The following ATP9A variants were observed in gnomAD, a reference collection of about 807,000 sequenced individuals.
ATP9A encodes the protein ATPase phospholipid transporting 9A.
ATP9A carries 52 observed loss-of-function variants against 144.1 expected under a neutral mutation model. The observed-to-expected ratio is 0.36, with a 90% CI of 0.29 to 0.45. The LOEUF (loss-of-function observed/expected upper bound fraction) is 0.45, where lower values mean the gene tolerates loss of function less well. Ranked by LOEUF, ATP9A falls within the 20% of genes least tolerant of loss-of-function variation. The probability of loss-of-function intolerance (pLI) is 1.00; values close to 1 mark genes in which losing one functional copy is unlikely to be tolerated. For synonymous variants in ATP9A, 582 were observed against 557.4 expected (o/e 1.04, Z -0.62); for missense variants, 947 against 1,392.7 (o/e 0.68, Z 5.09).
intron 24 of ATP9A, among the ~76,000 whole-genome samples, chr20:51,608,837 G>A (rs2077173932): frequency 6.6e-6 from 1 of 152,024 alleles, no homozygotes; most frequent in South Asian, 2.1e-4. Context: ...CGGTCAGCGA[G>A]TCAATAAACA....
At chr20:51,718,034 G>A (rs1467302142) in intron 3 of ATP9A, among the ~76,000 whole-genome samples, 3 of 152,062 alleles carry the variant, frequency 2.0e-5, no homozygotes, top group African/African-American at 7.2e-5. Context: ...ACCAATGATA[G>A]TGTAAATGAG....
chr20:51,736,424 T>G (rs951229371), intron 1 of ATP9A, among the ~76,000 whole-genome samples: 2 of 151,894 alleles, frequency 1.3e-5, no homozygotes, highest in African/African-American at 2.4e-5. Flanking sequence ...GAGCAAGAGC[T>G]GAAGCAGATA....
At chr20:51,714,229 C>G (rs1010205931) in intron 3 of ATP9A, among the ~76,000 whole-genome samples, 43 of 151,996 alleles carry the variant, frequency 2.8e-4, no homozygotes, top group Non-Finnish European at 8.8e-5. Context: ...GTCACCCAGG[C>G]AGGAGTGCAG....
intron 3 of ATP9A, among the ~76,000 whole-genome samples, chr20:51,714,172 T>C (rs919813127): frequency 1.3e-5 from 2 of 151,952 alleles, no homozygotes; most frequent in African/African-American, 4.8e-5. Flanking sequence ...CCCAAAGTGC[T>C]GGGATTACAG....
rs372331725 is a variant in ATP9A at position 51,721,637 on chromosome 20, A to G, written c.327+4182T>C. Among the ~76,000 whole-genome samples, 4 of 151,824 alleles carry G rather than the reference A, an allele frequency of 2.6e-5. No individual in the cohort carries two copies. In the East Asian group the frequency reaches 5.8e-4, roughly 22 times the overall value. Reference sequence around the variant, plus strand: ...ACACAGGTGAAACCCCCTCTCTACTAAAAATACAAAAAAATTAGCCAGGCG... The same window carrying G: ...ACACAGGTGAAACCCCCTCTCTACTGAAAATACAAAAAAATTAGCCAGGCG... On this transcript the variant is annotated intron_variant, in intron 3 of 27. Coordinates refer to ENST00000338821, the MANE Select transcript of ATP9A (RefSeq NM_006045.3).
intron 3 of ATP9A, among the ~76,000 whole-genome samples, chr20:51,717,677 C>T (rs1444135563): frequency 2.0e-5 from 3 of 152,024 alleles, no homozygotes; most frequent in East Asian, 1.9e-4. Context: ...TCATAATTGC[C>T]GAGTGTGGTG....
At chr20:51,632,895 G>C (rs1376468327) in intron 15 of ATP9A, among the ~76,000 whole-genome samples, 1 of 152,140 alleles carries the variant, frequency 6.6e-6, no homozygotes, top group Admixed American at 6.6e-5. Context: ...GGCCGAGGCT[G>C]GTGGATCACC....
chr20:51,626,984 G>T (rs952045168), intron 17 of ATP9A, among the ~76,000 whole-genome samples: 1 of 151,038 alleles, frequency 6.6e-6, no homozygotes, highest in African/African-American at 2.4e-5. Context: ...TTGAACCTGG[G>T]AGGCGGAGGT....
chr20:51,672,088 C>T (rs2077458587), intron 11 of ATP9A, among the ~76,000 whole-genome samples: 1 of 152,158 alleles, frequency 6.6e-6, no homozygotes, highest in South Asian at 2.1e-4. Flanking sequence ...ACGTGAGCCA[C>T]CACGCCTGGC....
At chr20:51,734,734 T>G (rs2077756389) in intron 1 of ATP9A, 1 of 201,232 alleles carries the variant, frequency 5.0e-6, no homozygotes, top group Non-Finnish European at 1.1e-5. Flanking sequence ...CTGAGGAACA[T>G]GCACTTTGCC....
intron 4 of ATP9A, among the ~76,000 whole-genome samples, chr20:51,706,096 G>T (rs1327810224): frequency 6.6e-6 from 1 of 152,200 alleles, no homozygotes; most frequent in African/African-American, 2.4e-5. Flanking sequence ...CAATGAGGAG[G>T]CTAGATTGAT....
intron 27 of ATP9A, among the ~76,000 whole-genome samples, chr20:51,604,098 G>C (rs1336526110): frequency 3.3e-5 from 5 of 152,046 alleles, no homozygotes; most frequent in African/African-American, 1.2e-4. Flanking sequence ...TTTTTTATTT[G>C]GGGTGTGCCT....
At position 51,606,759 on chromosome 20, in the gene ATP9A, G is replaced by A. The variant is rs901083263; in HGVS notation, c.2803+768C>T. On this transcript the variant is annotated intron_variant, in intron 26 of 27. Coordinates refer to ENST00000338821, the MANE Select transcript of ATP9A (RefSeq NM_006045.3). ...GATTTGGTGGTGGTGTACACCTGTG[G>A]TCCCAGACTCAGAAGGCTGAGGTAG... Among the ~76,000 whole-genome samples the A allele has an allele frequency of 3.3e-5, 5 of 152,178 alleles. No individual in the cohort carries two copies. In the South Asian group the frequency reaches 8.3e-4, roughly 25 times the overall value.
chr20:51,666,407 A>G (rs1272151556), intron 13 of ATP9A, among the ~76,000 whole-genome samples: 1 of 152,174 alleles, frequency 6.6e-6, no homozygotes, highest in African/African-American at 2.4e-5. Context: ...TGGGCCAGGC[A>G]TGGTGACTCA....
intron 23 of ATP9A, among the ~76,000 whole-genome samples, chr20:51,610,893 G>A (rs1409529694): frequency 1.3e-5 from 2 of 152,218 alleles, no homozygotes; most frequent in Admixed American, 1.3e-4. Context: ...CAAAAGCAAT[G>A]AAGATATTTA....
intron 2 of ATP9A, 106 bp downstream of exon 2, chr20:51,729,728 G>C: frequency 7.5e-7 from 1 of 1,326,552 alleles, no homozygotes; most frequent in African/African-American, 1.5e-5. Context: ...CTGGGCGACA[G>C]AGTAAGACTC....
chr20:51,666,546 T>C (rs1202500443), intron 13 of ATP9A, among the ~76,000 whole-genome samples: 1 of 151,912 alleles, frequency 6.6e-6, no homozygotes, highest in Non-Finnish European at 1.5e-5. Flanking sequence ...CCGGGCGTGG[T>C]GGCAGGTGCC....
chr20:51,736,821 C>A (rs1421025969), intron 1 of ATP9A, among the ~76,000 whole-genome samples: 1 of 151,612 alleles, frequency 6.6e-6, no homozygotes, highest in African/African-American at 2.4e-5. Flanking sequence ...AGGCTGGTGC[C>A]ATCATCCAGG....
rs1555830945 is a variant in ATP9A at position 51,635,822 on chromosome 20, AAGGGAGGG to A, written c.1668+3513_1668+3520del. Among the ~76,000 whole-genome samples the A allele has an allele frequency of 1.7e-4, 20 of 119,392 alleles. 1 individual carries two copies. Among genetic ancestry groups the A allele is most frequent in the South Asian group, 2.8e-4 (1 of 3,542 alleles). 78.3% of individuals were successfully genotyped at this position (119,392 alleles called of 152,430 possible). ...GGGAGGAGGAAGGAAGGAAGGAAGG[AAGGGAGGG>A]AGGGAGGGAGGGAAAAAGGAAGGAA... On this transcript the variant is annotated intron_variant, in intron 15 of 27. Coordinates refer to ENST00000338821, the MANE Select transcript of ATP9A (RefSeq NM_006045.3).
Sources: gnomAD v4.1 joint callset for allele counts (sites outside exome capture counted in the v4.1 genomes callset) on GRCh38, gnomAD v4.1.1 for gene constraint, MANE v1.5 for transcripts, NCBI Gene and HGNC (gene_info 2026-07-23, HGNC 2026-07-21) for gene names.